Variants in TPRG1 observed in about 807,000 individuals in gnomAD.
TPRG1 encodes the protein tumor protein p63 regulated 1.
In TPRG1, 29 loss-of-function variants were observed where a neutral mutation model predicts 29.3. That is an observed-to-expected ratio of 0.99 (90% CI 0.74 to 1.35). The LOEUF (loss-of-function observed/expected upper bound fraction) is 1.35. Ranked by LOEUF, TPRG1 falls within the 40% of genes most tolerant of loss-of-function variation. The probability of loss-of-function intolerance (pLI) is 0.00; values close to 1 mark genes in which losing one functional copy is unlikely to be tolerated. For synonymous variants in TPRG1, 130 were observed against 116.8 expected (o/e 1.11, Z -0.73); for missense variants, 327 against 335.0 (o/e 0.98, Z 0.19).
chr3:189,103,653 G>C (rs891408446), intron 1 of TPRG1, among the ~76,000 whole-genome samples: 1 of 152,130 alleles, frequency 6.6e-6, no homozygotes, highest in Non-Finnish European at 1.5e-5. Context: ...ACCCCCAAAA[G>C]CCAAGCTCAC....
intron 3 of TPRG1, among the ~76,000 whole-genome samples, chr3:189,224,316 A>G (rs2122438): frequency 0.35 from 53,468 of 152,080 alleles, 9,592 homozygotes; most frequent in South Asian, 0.52. Context: ...CCCTGCCCCT[A>G]CTGAAAATAC....
chr3:189,097,851 G>A (rs938589501), upstream of TPRG1, among the ~76,000 whole-genome samples: 3 of 152,128 alleles, frequency 2.0e-5, no homozygotes, highest in Admixed American at 6.5e-5. Context: ...CTCAGAAACC[G>A]CTAGGGATTG....
At chr3:189,022,607 G>A (rs575350916) in intron 3 of TPRG1, among the ~76,000 whole-genome samples, 34 of 152,118 alleles carry the variant, frequency 2.2e-4, no homozygotes, top group South Asian at 1.2e-3. Context: ...CTCCAGCTGC[G>A]TGCTGGGAGA....
intron 3 of TPRG1, among the ~76,000 whole-genome samples, chr3:189,141,569 A>G (rs774276729): frequency 2.2e-4 from 33 of 152,202 alleles, no homozygotes; most frequent in Non-Finnish European, 4.1e-4. Context: ...GGATGGGGAT[A>G]GATATGAAGG....
intron 4 of TPRG1, among the ~76,000 whole-genome samples, chr3:189,284,302 T>C (rs1028230218): frequency 1.4e-4 from 21 of 151,720 alleles, no homozygotes; most frequent in Non-Finnish European, 2.4e-4. Flanking sequence ...CTGCACCCAT[T>C]AACCTGTCAT....
At chr3:189,241,111 G>A (rs9882977) in intron 4 of TPRG1, among the ~76,000 whole-genome samples, 40,744 of 152,034 alleles carry the variant, frequency 0.27, 5,692 homozygotes, top group East Asian at 0.43. Flanking sequence ...ATGTATTAAT[G>A]GATTTCTAGA....
upstream of TPRG1, among the ~76,000 whole-genome samples, chr3:189,169,462 G>T (rs1418494146): frequency 1.3e-5 from 2 of 152,196 alleles, no homozygotes; most frequent in Non-Finnish European, 1.5e-5. Flanking sequence ...ACCAGGCCCG[G>T]CCTGTAAAGG....
At position 189,074,930 on chromosome 3, in the gene TPRG1, G is replaced by A. The variant is rs545012002; in HGVS notation, c.-463+50984G>A. 9.7e-3 allele frequency among the ~76,000 whole-genome samples: 1,469 copies of A among 151,430 alleles called. 21 individuals are homozygous for A. Among genetic ancestry groups the A allele is most frequent in the African/African-American group, 0.034 (1,407 of 41,278 alleles). On this transcript the variant is annotated intron_variant, in intron 4 of 10. Coordinates refer to the TPRG1 transcript ENST00000433971. The stretch of plus-strand genomic sequence containing the variant: ...GGGTTCCCGCCATTCTCCTGCCTCA[G>A]CCTCCCGAGTAGCTGGGACTACAGG...
At chr3:189,039,010 G>T (rs535252695) in intron 4 of TPRG1, among the ~76,000 whole-genome samples, 18 of 152,300 alleles carry the variant, frequency 1.2e-4, no homozygotes, top group African/African-American at 4.3e-4. Context: ...CTCATGCACT[G>T]CTGGTGGGAG....
intron 3 of TPRG1, among the ~76,000 whole-genome samples, chr3:189,011,648 G>A (rs879394586): frequency 4.6e-5 from 7 of 152,202 alleles, no homozygotes; most frequent in African/African-American, 1.2e-4. Context: ...GGGAAAGACC[G>A]GCCCCCATGA....
chr3:188,999,796 G>A (rs536395797), intron 1 of TPRG1, among the ~76,000 whole-genome samples: 1 of 151,786 alleles, frequency 6.6e-6, no homozygotes, highest in South Asian at 2.1e-4. Context: ...TTTCTAATGG[G>A]CTTTATTAGC....
At chr3:189,206,549 G>A (rs1379497297) in intron 1 of TPRG1, among the ~76,000 whole-genome samples, 2 of 145,500 alleles carry the variant, frequency 1.4e-5, no homozygotes, top group African/African-American at 5.2e-5. Flanking sequence ...TGCCTAGCCT[G>A]GAGTGCAGTG....
At chr3:189,140,789 G>C (rs1483980672) in intron 3 of TPRG1, among the ~76,000 whole-genome samples, 1 of 152,212 alleles carries the variant, frequency 6.6e-6, no homozygotes, top group East Asian at 1.9e-4. Flanking sequence ...AGTTTCATTT[G>C]GTACCTTTCA....
intron 3 of TPRG1, among the ~76,000 whole-genome samples, chr3:189,021,060 C>G (rs1228411146): frequency 2.0e-4 from 30 of 148,084 alleles, no homozygotes; most frequent in Non-Finnish European, 3.9e-4. Context: ...CAACCCCTGC[C>G]TTTTTTTGTT....
chr3:189,077,688 G>A lies in TPRG1; in HGVS notation c.-462-49369G>A, dbSNP rs190623034. 2.6e-5 allele frequency among the ~76,000 whole-genome samples: 4 copies of A among 152,276 alleles called. No individual in the cohort carries two copies. In the East Asian group the frequency reaches 7.7e-4, roughly 29 times the overall value. On this transcript the variant is annotated intron_variant, in intron 4 of 10. Transcript: ENST00000433971. ...ATATTCCACCCTTTTAATCCAGTCA[G>A]AGATTGTATTTATTGATTGGAAATA...
chr3:189,006,849 AT>A (rs773243433), intron 3 of TPRG1, among the ~76,000 whole-genome samples: 2 of 152,064 alleles, frequency 1.3e-5, no homozygotes, highest in Non-Finnish European at 2.9e-5. Flanking sequence ...TTTTGAATGT[AT>A]TTTCTATGGC....
At chr3:189,117,879 C>T (rs543340006) in intron 1 of TPRG1, among the ~76,000 whole-genome samples, 29 of 152,280 alleles carry the variant, frequency 1.9e-4, no homozygotes, top group Non-Finnish European at 3.1e-4. Flanking sequence ...TTCTTCATAG[C>T]AGTGTGAGAA....
At chr3:189,075,328 T>G (rs538390433) in intron 4 of TPRG1, among the ~76,000 whole-genome samples, 54 of 151,958 alleles carry the variant, frequency 3.6e-4, no homozygotes, top group African/African-American at 1.2e-3. Flanking sequence ...AGAGATGGGG[T>G]TTCACCATGT....
At chr3:189,167,458 C>G (rs1728302513), upstream of TPRG1, among the ~76,000 whole-genome samples, 1 of 152,190 alleles carries the variant, frequency 6.6e-6, no homozygotes, top group African/African-American at 2.4e-5. Flanking sequence ...TTTCCTGGTT[C>G]TTTCTTAGTT....
Sources: gnomAD v4.1 joint callset for allele counts (sites outside exome capture counted in the v4.1 genomes callset) on GRCh38, gnomAD v4.1.1 for gene constraint, MANE v1.5 for transcripts, NCBI Gene and HGNC (gene_info 2026-07-23, HGNC 2026-07-21) for gene names.